Variants in MSN observed in about 807,000 individuals in gnomAD.
MSN encodes the protein moesin.
A neutral mutation model predicts 48.0 loss-of-function variants in MSN; 2 were observed. The observed-to-expected ratio is 0.04, with a 90% CI of 0.02 to 0.13. MSN has a LOEUF of 0.13. MSN is among the 10% of genes least tolerant of loss of function. The pLI is 1.00. For synonymous variants in MSN, 146 were observed against 166.9 expected (o/e 0.87, Z 0.97); for missense variants, 267 against 470.1 (o/e 0.57, Z 3.99).
chrX:65,738,470 C>T, intron 10 of MSN, 55 bp from the exon 11 acceptor site: 1 of 1,099,682 alleles, frequency 9.1e-7, no homozygotes, highest in South Asian at 2.0e-5. Flanking sequence ...TTGAAGACAC[C>T]TGGGTCCTGA....
intron 1 of MSN, among the ~76,000 whole-genome samples, chrX:65,647,468 C>T (rs756651608): frequency 1.8e-5 from 2 of 112,543 alleles, no homozygotes; most frequent in South Asian, 7.3e-4. Context: ...ACCTCGGCTT[C>T]CCAAAGTGCT....
chrX:65,639,975 G>T (rs964213238), intron 1 of MSN, among the ~76,000 whole-genome samples: 4 of 111,626 alleles, frequency 3.6e-5, no homozygotes, highest in African/African-American at 1.3e-4. Flanking sequence ...CTAGATGCTA[G>T]GGGTGCCCCA....
chrX:65,675,406 T>G (rs2070987584), intron 1 of MSN, among the ~76,000 whole-genome samples: 1 of 110,999 alleles, frequency 9.0e-6, no homozygotes, highest in African/African-American at 3.3e-5. Context: ...GAAAGTGATG[T>G]GTTTTTGGTA....
rs2071668332 is a variant in MSN, at chrX:65,735,575, A to G, written c.959+145A>G. ...CACCAATATTCACATTTATTCAGAA[A>G]AAATCTACCAAGTTTGAGGGGCAGT... On this transcript the variant is annotated intron_variant, in intron 8 of 12. Transcript: ENST00000360270. 1.5e-5 allele frequency: 11 copies of G among 745,349 alleles called. No individual in the cohort carries two copies. In the South Asian group the frequency reaches 3.4e-4, roughly 23 times the overall value. 61.4% of individuals were successfully genotyped at this position (745,349 alleles called of 1,213,427 possible).
rs137973251 is a variant in MSN, at chrX:65,640,770, A to G, written c.-22+52158A>G. 2.1e-3 allele frequency among the ~76,000 whole-genome samples: 238 copies of G among 111,515 alleles called. 2 individuals are homozygous for G. The highest frequency in any genetic ancestry group is 3.6e-3 in the Admixed American group (37 of 10,365). ...GGGCAGAGAAAGGAGGAAAGGTATG[A>G]TAGCCTAAATGTACTAGAAGGAAAT... On this transcript the variant is annotated intron_variant, in intron 1 of 3. Transcript: ENST00000609672.
At chrX:65,604,297 G>A (rs1190048914) in intron 1 of MSN, among the ~76,000 whole-genome samples, 6 of 112,099 alleles carry the variant, frequency 5.4e-5, no homozygotes, top group Admixed American at 1.9e-4. Flanking sequence ...TGTGGTGCAC[G>A]TGGGATGTCC....
chrX:65,677,903 C>T (rs1180351364), intron 1 of MSN, among the ~76,000 whole-genome samples: 1 of 111,792 alleles, frequency 8.9e-6, no homozygotes. Flanking sequence ...GGTTACACTA[C>T]ATCTTTCTAC....
At chrX:65,730,521 T>C (rs1017023318) in intron 4 of MSN, among the ~76,000 whole-genome samples, 8 of 110,629 alleles carry the variant, frequency 7.2e-5, no homozygotes, top group Non-Finnish European at 1.1e-4. Flanking sequence ...ATAGTGCTTG[T>C]ACCCTGGGGA....
chrX:65,732,551 C>T (rs1199204817), intron 6 of MSN, among the ~76,000 whole-genome samples: 2 of 111,517 alleles, frequency 1.8e-5, no homozygotes, highest in Admixed American at 9.5e-5. Flanking sequence ...GGCTTTTGGC[C>T]TATAATCCTC....
At chrX:65,695,062 T>C (rs2071217833) in intron 1 of MSN, among the ~76,000 whole-genome samples, 1 of 108,810 alleles carries the variant, frequency 9.2e-6, no homozygotes, top group Non-Finnish European at 1.9e-5. Context: ...CACTTCTTCT[T>C]TGTGTGTGTG....
Position 65,622,134 on chromosome X carries a change from G to T in MSN, c.-22+33522G>T, listed in dbSNP as rs1473988015. Among the ~76,000 whole-genome samples, 6 of 92,575 alleles carry T rather than the reference G, an allele frequency of 6.5e-5. No homozygotes were observed. The East Asian group carries it at 1.4e-3, about 21-fold the overall frequency. 80.4% of individuals were successfully genotyped at this position (92,575 alleles called of 115,157 possible). ...TTTTGAGTTGGAGTCTCACTCTGTTGCCCAGGTTGGAGTGCAGTGGCTCCA... is the reference window on the plus strand; with the variant it reads ...TTTTGAGTTGGAGTCTCACTCTGTTTCCCAGGTTGGAGTGCAGTGGCTCCA... On this transcript the variant is annotated intron_variant, in intron 1 of 3. Coordinates refer to the MSN transcript ENST00000609672.
At chrX:65,646,265 C>T (rs2070694461) in intron 1 of MSN, among the ~76,000 whole-genome samples, 1 of 111,879 alleles carries the variant, frequency 8.9e-6, no homozygotes, top group Admixed American at 9.5e-5. Flanking sequence ...TTTCTCCCCT[C>T]AACAGGGTTC....
At position 65,696,203 on chromosome X, in the gene MSN, A is replaced by G. The variant is rs190571524; in HGVS notation, c.13-20615A>G. On this transcript the variant is annotated intron_variant, in intron 1 of 12. Coordinates refer to ENST00000360270, the MANE Select transcript of MSN (RefSeq NM_002444.3). Reference sequence around the variant, plus strand: ...CATATTTCCTCCATCTGACAAAAAAATGCCCTCACGTGCTTGCTCATTCAC... The same window carrying G: ...CATATTTCCTCCATCTGACAAAAAAGTGCCCTCACGTGCTTGCTCATTCAC... 3.8e-5 allele frequency among the ~76,000 whole-genome samples: 4 copies of G among 105,061 alleles called. No individual in the cohort carries two copies. The Admixed American group carries it at 4.0e-4, about 10-fold the overall frequency. The allele number at this position is 105,061 out of a possible 115,157, so 91.2% of individuals were successfully genotyped here. A position where few individuals can be genotyped will look rare whatever the true frequency, so the allele number is the denominator to read the frequency against.
intron 1 of MSN, among the ~76,000 whole-genome samples, chrX:65,698,662 G>A (rs921705249): frequency 1.8e-5 from 2 of 112,159 alleles, no homozygotes; most frequent in East Asian, 2.8e-4. Flanking sequence ...AAAAGAGGGT[G>A]GGGCGCCGGC....
intron 1 of MSN, among the ~76,000 whole-genome samples, chrX:65,648,727 G>T (rs1302893452): frequency 9.2e-6 from 1 of 109,062 alleles, no homozygotes; most frequent in Non-Finnish European, 1.9e-5. Flanking sequence ...GCCAGGCGTG[G>T]TGGCACGCAC....
intron 1 of MSN, among the ~76,000 whole-genome samples, chrX:65,601,073 G>C (rs73213346): frequency 0.011 from 1,234 of 111,949 alleles, 4 homozygotes; most frequent in Non-Finnish European, 0.017. Flanking sequence ...AGAGGAATTT[G>C]AACTTGAATC....
chrX:65,669,045 T>C (rs2070903953), intron 1 of MSN, among the ~76,000 whole-genome samples: 1 of 111,797 alleles, frequency 8.9e-6, no homozygotes, highest in South Asian at 3.7e-4. Context: ...CGTTACTGTA[T>C]ACCAGCCTCA....
intron 1 of MSN, among the ~76,000 whole-genome samples, chrX:65,608,091 C>A (rs1047104461): frequency 8.9e-6 from 1 of 112,250 alleles, no homozygotes; most frequent in African/African-American, 3.2e-5. Flanking sequence ...TCTGTGTAGT[C>A]ATCTCTGCGA....
At chrX:65,616,620 G>T (rs1437529901) in intron 1 of MSN, among the ~76,000 whole-genome samples, 1 of 86,398 alleles carries the variant, frequency 1.2e-5, no homozygotes, top group Non-Finnish European at 2.3e-5. Context: ...AGACAATGGG[G>T]TTTTCTAGAT....
Sources: allele counts gnomAD v4.1 joint callset (sites outside exome capture counted in the v4.1 genomes callset), GRCh38; gene constraint gnomAD v4.1.1; transcripts MANE v1.5; gene names NCBI Gene and HGNC (gene_info 2026-07-23, HGNC 2026-07-21).